Variants in ITGB6 observed in about 807,000 individuals in gnomAD.
ITGB6 encodes the protein integrin subunit beta 6, also known as integrin beta-6.
ITGB6 carries 80 observed loss-of-function variants against 84.5 expected under a neutral mutation model. The ratio of observed to expected loss-of-function variants is 0.95; its 90% confidence interval spans 0.79 to 1.14. The LOEUF (loss-of-function observed/expected upper bound fraction) is 1.14. Among genes scored for constraint, ITGB6 ranks in the 50% most tolerant of loss-of-function variants. The probability of loss-of-function intolerance (pLI) is 0.00; values close to 1 mark genes in which losing one functional copy is unlikely to be tolerated. For missense variants in ITGB6, 1,006 were observed against 968.0 expected (o/e 1.04, Z -0.52); for synonymous variants, 383 against 354.9 (o/e 1.08, Z -0.89).
At chr2:160,181,892 G>C (rs1048166244) in intron 4 of ITGB6, among the ~76,000 whole-genome samples, 19 of 152,220 alleles carry the variant, frequency 1.2e-4, no homozygotes, top group African/African-American at 4.6e-4. Flanking sequence ...ACCTGCAGCA[G>C]AGGGGCCTGA....
chr2:160,193,306 C>G (rs1044323322), intron 4 of ITGB6, among the ~76,000 whole-genome samples: 3 of 152,084 alleles, frequency 2.0e-5, no homozygotes, highest in Non-Finnish European at 4.4e-5. Context: ...CAAAAAGCAG[C>G]AAACTCCTGA....
At chr2:160,139,516 G>A (rs548964305) in intron 8 of ITGB6, among the ~76,000 whole-genome samples, 1 of 152,240 alleles carries the variant, frequency 6.6e-6, no homozygotes, top group Non-Finnish European at 1.5e-5. Flanking sequence ...AGCAATGTTG[G>A]AGATAGAGTC....
chr2:160,188,735 C>G (rs909393891), intron 4 of ITGB6, among the ~76,000 whole-genome samples: 1 of 152,038 alleles, frequency 6.6e-6, no homozygotes, highest in Admixed American at 6.6e-5. Context: ...TCCTGAGTAG[C>G]TGGGATTACA....
chr2:160,117,613 G>A (rs1019651728), intron 12 of ITGB6, among the ~76,000 whole-genome samples: 12 of 152,140 alleles, frequency 7.9e-5, no homozygotes, highest in African/African-American at 2.9e-4. Context: ...AACTAGAAAA[G>A]CAAGAGCAAA....
Position 160,101,714 on chromosome 2 carries a change from T to A in ITGB6, c.*22A>T, listed in dbSNP as rs754733794. 5 of 1,302,828 alleles carry A rather than the reference T, an allele frequency of 3.8e-6. No individual in the cohort carries two copies. Among genetic ancestry groups the A allele is most frequent in the South Asian group, 3.6e-5 (3 of 83,172 alleles). The allele number at this position is 1,302,828 out of a possible 1,614,324, so 80.7% of individuals were successfully genotyped here. ...AACATTTCATATCAGTGAAACAGAC[T>A]TTTTTCATGCATAAAGTAGTTCTAG... On this transcript the variant is annotated 3_prime_UTR_variant, in exon 15 of 15. Coordinates refer to ENST00000283249, the MANE Select transcript of ITGB6 (RefSeq NM_000888.5).
intron 4 of ITGB6, among the ~76,000 whole-genome samples, chr2:160,189,357 T>A (rs558090094): frequency 1.1e-4 from 17 of 152,176 alleles, no homozygotes; most frequent in African/African-American, 3.9e-4. Context: ...ACAAATGGGA[T>A]CTAATTAAAC....
At chr2:160,189,796 C>T (rs1186604211) in intron 4 of ITGB6, among the ~76,000 whole-genome samples, 6 of 152,042 alleles carry the variant, frequency 3.9e-5, no homozygotes, top group East Asian at 3.9e-4. Flanking sequence ...GTCAGTGTGG[C>T]GATGCCTCAG....
intron 4 of ITGB6, among the ~76,000 whole-genome samples, chr2:160,175,271 C>G (rs1685374844): frequency 6.6e-6 from 1 of 152,210 alleles, no homozygotes; most frequent in South Asian, 2.1e-4. Flanking sequence ...AGTTGATCTT[C>G]ATTATTCACA....
intron 7 of ITGB6, among the ~76,000 whole-genome samples, chr2:160,148,696 C>A (rs753589923): frequency 3.3e-5 from 5 of 152,186 alleles, no homozygotes; most frequent in Non-Finnish European, 7.4e-5. Flanking sequence ...CCTTTCCTAG[C>A]CAAGGGAAGC....
At chr2:160,149,572 C>T (rs190294052) in intron 7 of ITGB6, among the ~76,000 whole-genome samples, 1 of 152,274 alleles carries the variant, frequency 6.6e-6, no homozygotes, top group East Asian at 1.9e-4. Flanking sequence ...CAGCTCCTCA[C>T]CAGCAATGGA....
chr2:160,135,338 A>G (rs1278329021), intron 10 of ITGB6, among the ~76,000 whole-genome samples: 1 of 152,044 alleles, frequency 6.6e-6, no homozygotes, highest in Non-Finnish European at 1.5e-5. Flanking sequence ...TAGGAATCCA[A>G]CTTACAAGGG....
chr2:160,137,673 A>T lies in ITGB6; in HGVS notation c.1421T>A (p.Phe474Tyr). 6.2e-7 allele frequency: 1 copy of T among 1,614,160 alleles called. No homozygotes were observed. The highest frequency in any genetic ancestry group is 8.5e-7 in the Non-Finnish European group (1 of 1,180,026). Residue 474 changes from phenylalanine to tyrosine, a missense_variant, in exon 10 of 15, where the codon TTC (phenylalanine) becomes TAC (tyrosine). Phe to Tyr is a conservative substitution (Grantham distance 22). Coordinates refer to ENST00000283249, the MANE Select transcript of ITGB6 (RefSeq NM_000888.5). The stretch of plus-strand genomic sequence containing the variant: ...GTGGCAGGCACACACCCCACACTGG[A>T]AAGAGCCGTTCCCGTGGTGACATTT... ...SSKCHHGNGS[F>Y]QCGVCACHPG...
intron 4 of ITGB6, among the ~76,000 whole-genome samples, chr2:160,194,456 G>A (rs1360828937): frequency 6.6e-6 from 1 of 151,458 alleles, no homozygotes; most frequent in Non-Finnish European, 1.5e-5. Context: ...AGCAGTAATG[G>A]GCTTGCTTTT....
intron 7 of ITGB6, among the ~76,000 whole-genome samples, chr2:160,147,439 A>C (rs1041123869): frequency 6.6e-6 from 1 of 152,236 alleles, no homozygotes; most frequent in Admixed American, 6.5e-5. Context: ...TGCAATGCCA[A>C]TCAAAATGCC....
At chr2:160,119,414 G>A (rs1042176294) in intron 12 of ITGB6, among the ~76,000 whole-genome samples, 94 of 152,102 alleles carry the variant, frequency 6.2e-4, no homozygotes, top group African/African-American at 2.2e-3. Flanking sequence ...AAGCAATGGG[G>A]AAAGGATTCC....
intron 4 of ITGB6, among the ~76,000 whole-genome samples, chr2:160,192,238 G>C (rs570270951): frequency 2.0e-5 from 3 of 152,220 alleles, no homozygotes; most frequent in South Asian, 2.1e-4. Flanking sequence ...CTCTGTAAGG[G>C]GGGTAGTGAG....
intron 12 of ITGB6, among the ~76,000 whole-genome samples, chr2:160,114,707 G>T (rs1682687777): frequency 6.6e-6 from 1 of 152,226 alleles, no homozygotes. Context: ...GCGAGGCATT[G>T]CCTCACTCGG....
intron 2 of ITGB6, among the ~76,000 whole-genome samples, chr2:160,198,119 T>C (rs1269250777): frequency 2.0e-5 from 3 of 152,206 alleles, no homozygotes; most frequent in Non-Finnish European, 4.4e-5. Context: ...CTAATACTTC[T>C]TCAAGAAGTC....
At chr2:160,184,105 C>A (rs1303337844) in intron 4 of ITGB6, among the ~76,000 whole-genome samples, 3 of 152,080 alleles carry the variant, frequency 2.0e-5, no homozygotes, top group African/African-American at 7.2e-5. Context: ...CCAAAGCTAG[C>A]AGGGGACAAG....
Sources: allele counts gnomAD v4.1 joint callset (sites outside exome capture counted in the v4.1 genomes callset), GRCh38; gene constraint gnomAD v4.1.1; transcripts MANE v1.5; gene names NCBI Gene and HGNC (gene_info 2026-07-23, HGNC 2026-07-21).